TRIM14: variants seen among roughly 807,000 people sequenced by gnomAD.
TRIM14 encodes the protein tripartite motif containing 14.
TRIM14 carries 28 observed loss-of-function variants against 44.5 expected under a neutral mutation model. That is an observed-to-expected ratio of 0.63 (90% confidence interval 0.47 to 0.86). The LOEUF (loss-of-function observed/expected upper bound fraction) is 0.86. Ranked by LOEUF, TRIM14 falls within the 40% of genes least tolerant of loss-of-function variation. The pLI is 0.00. For missense variants in TRIM14, 607 were observed against 611.1 expected, an observed-to-expected ratio of 0.99 and a Z score of 0.07; for synonymous variants, 299 against 269.2, an observed-to-expected ratio of 1.11 and a Z score of -1.08.
the TRIM14 span, among the ~76,000 whole-genome samples, chr9:98,051,965 G>A: frequency 6.6e-5 from 10 of 152,020 alleles, no homozygotes; most frequent in African/African-American, 1.9e-4. Flanking sequence ...TGATCCAAGC[G>A]TGCAAAGAGC....
chr9:98,078,243 C>T (rs1351955740), intron 6 of TRIM14: 2 of 1,614,104 alleles, frequency 1.2e-6, no homozygotes, highest in South Asian at 2.2e-5. Context: ...CACCATGAAG[C>T]AAGTTTATCA....
At chr9:98,080,723 GC>G, downstream of TRIM14, 1 of 1,421,966 alleles carries the variant, frequency 7.0e-7, no homozygotes, top group Non-Finnish European at 9.4e-7. Flanking sequence ...CTAGTGAGTG[GC>G]TAAACCGGGG....
chr9:98,114,334 A>T (rs566284427), intron 1 of TRIM14, among the ~76,000 whole-genome samples: 25 of 152,038 alleles, frequency 1.6e-4, no homozygotes, highest in African/African-American at 6.0e-4. Context: ...TCATCCACAG[A>T]CAATTTGTTT....
rs180906275 is a variant in TRIM14, at chr9:98,100,348, C to T, written c.304-184G>A. Among the ~76,000 whole-genome samples the T allele has an allele frequency of 5.5e-4, 83 of 151,962 alleles. No homozygotes were observed. In the East Asian group the frequency reaches 7.5e-3, roughly 14 times the overall value. On this transcript the variant is annotated intron_variant, in intron 2 of 5. Coordinates refer to ENST00000341469, the MANE Select transcript of TRIM14 (RefSeq NM_014788.4). ...AGCCCATCACCGATCGTAAAATGCA[C>T]GGAGAAATAAAGATCCTTTTGAAAA...
chr9:98,088,157 C>T (rs927121510), intron 5 of TRIM14, 152 bp from the exon 6 acceptor site: 4 of 839,898 alleles, frequency 4.8e-6, no homozygotes, highest in Non-Finnish European at 5.1e-6. Context: ...ACCGCGACTG[C>T]CCCTGGGGCG....
downstream of TRIM14, among the ~76,000 whole-genome samples, chr9:98,068,175 C>A (rs115713615): frequency 0.014 from 2,120 of 152,244 alleles, 47 homozygotes; most frequent in African/African-American, 0.048. Flanking sequence ...CACTCTGTCA[C>A]CCAGACTGGA....
In TRIM14 at chr9:98,087,212, A is replaced by G; in HGVS notation, c.*258T>C. 2 of 762,916 alleles carry G rather than the reference A, an allele frequency of 2.6e-6. No homozygotes were observed. The highest frequency in any genetic ancestry group is 1.4e-5 in the South Asian group (1 of 73,002). The allele number at this position is 762,916 out of a possible 1,614,324, so 47.3% of individuals were successfully genotyped here. ...TATCACTTTGAAGGAACTGGATTAAAGTAGTGTAAGTGATGGTGGGGTGAG... is the reference window on the plus strand; with the variant it reads ...TATCACTTTGAAGGAACTGGATTAAGGTAGTGTAAGTGATGGTGGGGTGAG... On this transcript the variant is annotated 3_prime_UTR_variant, in exon 6 of 6. Coordinates refer to ENST00000341469, the MANE Select transcript of TRIM14 (RefSeq NM_014788.4).
intron 2 of TRIM14, among the ~76,000 whole-genome samples, chr9:98,103,357 T>C (rs1230077322): frequency 6.6e-6 from 1 of 152,094 alleles, no homozygotes; most frequent in Non-Finnish European, 1.5e-5. Flanking sequence ...TATGGACATA[T>C]GTATACATCT....
chr9:98,072,698 C>T (rs1308800372), intron 6 of TRIM14, among the ~76,000 whole-genome samples: 4 of 152,120 alleles, frequency 2.6e-5, no homozygotes, highest in South Asian at 2.1e-4. Context: ...CGGGAGCCAC[C>T]GTGCCCGGCA....
rs1199393100 is a variant in TRIM14 at position 98,108,662 on chromosome 9, AAGAC to A, written c.303+1223_303+1226del. ...CTCCTAGCCCAGAGTTCTGCTTGTG[AAGAC>A]ATGAGAGACACTATTAAGCTGGGAC... On this transcript the variant is annotated intron_variant, in intron 2 of 5. Transcript: ENST00000341469. Among the ~76,000 whole-genome samples, 9 of 151,924 alleles carry A rather than the reference AAGAC, an allele frequency of 5.9e-5. No homozygotes were observed. The East Asian group carries it at 1.8e-3, about 30-fold the overall frequency.
intron 4 of TRIM14, chr9:98,092,481 C>A: frequency 2.4e-6 from 1 of 408,398 alleles, no homozygotes; most frequent in Non-Finnish European, 4.9e-6. Context: ...CTATTGGGGC[C>A]GCAGCTCACT....
chr9:98,100,111 T>C lies in TRIM14; in HGVS notation c.357A>G (p.Arg119=), dbSNP rs1421190171. 1.9e-6 allele frequency: 3 copies of C among 1,614,074 alleles called. No individual in the cohort carries two copies. Among genetic ancestry groups the C allele is most frequent in the African/African-American group, 2.7e-5 (2 of 74,914 alleles). The change falls in exon 3 of 6, where the codon AGA becomes AGG. Residue 119 remains arginine (R), a synonymous_variant. Transcript: ENST00000341469. ...GCGCTTCCTCTTCGTCAAGTAGTAATCTGAGTTCAGTGAATTTCCCCTTCA... is the reference window on the plus strand; with the variant it reads ...GCGCTTCCTCTTCGTCAAGTAGTAACCTGAGTTCAGTGAATTTCCCCTTCA... ...TWLKGKFTEL[R]LLLDEEEALA...
chr9:98,118,555 G>C (rs1827133803), intron 1 of TRIM14, among the ~76,000 whole-genome samples: 1 of 152,182 alleles, frequency 6.6e-6, no homozygotes, highest in African/African-American at 2.4e-5. Context: ...GTGGACTGCA[G>C]ATTAAGTAAA....
chr9:98,118,770 A>G (rs556856096), intron 1 of TRIM14, among the ~76,000 whole-genome samples: 29 of 152,316 alleles, frequency 1.9e-4, no homozygotes, highest in Admixed American at 4.6e-4. Context: ...CTGAAGCTCA[A>G]CTGATGGCTT....
intron 1 of TRIM14, among the ~76,000 whole-genome samples, chr9:98,117,385 T>A (rs1391407415): frequency 1.3e-5 from 2 of 151,952 alleles, no homozygotes; most frequent in East Asian, 3.9e-4. Flanking sequence ...GCAACCTCCA[T>A]CTCCCAGGTT....
At chr9:98,061,266 C>T in the TRIM14 span, 63 of 405,578 alleles carry the variant, frequency 1.6e-4, no homozygotes, top group Middle Eastern at 7.2e-4. Flanking sequence ...CACCTGAGGT[C>T]AGGAGTTCGA....
At chr9:98,071,917 C>T (rs1187798628) in intron 6 of TRIM14, among the ~76,000 whole-genome samples, 1 of 152,252 alleles carries the variant, frequency 6.6e-6, no homozygotes, top group African/African-American at 2.4e-5. Flanking sequence ...AAGGCGGAGT[C>T]ACTTCTTTAG....
At chr9:98,097,497 C>T (rs1053225844) in intron 3 of TRIM14, among the ~76,000 whole-genome samples, 1 of 152,192 alleles carries the variant, frequency 6.6e-6, no homozygotes, top group African/African-American at 2.4e-5. Flanking sequence ...AGAAGTCTTC[C>T]CAGACTGCAT....
intron 3 of TRIM14, among the ~76,000 whole-genome samples, chr9:98,099,103 T>C (rs1395096046): frequency 6.6e-6 from 1 of 152,062 alleles, no homozygotes; most frequent in Non-Finnish European, 1.5e-5. Flanking sequence ...GCCTTTGAAA[T>C]GTGCTCAGTA....
Sources: gnomAD v4.1 joint callset for allele counts (sites outside exome capture counted in the v4.1 genomes callset) on GRCh38, gnomAD v4.1.1 for gene constraint, MANE v1.5 for transcripts, NCBI Gene and HGNC (gene_info 2026-07-23, HGNC 2026-07-21) for gene names.